The following TMEM79 variants were observed in gnomAD, a reference collection of about 807,000 sequenced individuals.
The protein encoded by TMEM79 is mattrin.
A neutral mutation model predicts 31.2 loss-of-function variants in TMEM79; 30 were observed. That is an observed-to-expected ratio of 0.96 (90% CI 0.72 to 1.30). The LOEUF (loss-of-function observed/expected upper bound fraction) is 1.30, where lower values mean the gene tolerates loss of function less well. Ranked by LOEUF, TMEM79 falls within the 50% of genes most tolerant of loss-of-function variation. TMEM79 has a pLI of 0.00. For synonymous variants in TMEM79, 213 were observed against 229.5 expected, an observed-to-expected ratio of 0.93 and a Z score of 0.65; for missense variants, 509 against 528.2, an observed-to-expected ratio of 0.96 and a Z score of 0.36.
rs1434941567 is a variant in TMEM79, at chr1:156,285,322, G to A, written c.96G>A (p.Gln32=). The A allele has an allele frequency of 1.3e-6, 2 of 1,573,380 alleles. No individual in the cohort carries two copies. The highest frequency in any genetic ancestry group is 1.9e-5 in the Admixed American group (1 of 52,674). The part of the protein sequence containing the change: ...SPQALVPNGR[Q]PEGEGGAESP... ...AGGCCTTGGTTCCCAATGGCCGGCAGCCAGAAGGGGAAGGTGGGGCCGAAT... is the reference window on the plus strand; with the variant it reads ...AGGCCTTGGTTCCCAATGGCCGGCAACCAGAAGGGGAAGGTGGGGCCGAAT... Residue 32 remains glutamine (Q), a synonymous_variant, in exon 2 of 4, where the codon CAG becomes CAA. Transcript: ENST00000405535.
chr1:156,288,087 C>T (rs930717515), intron 3 of TMEM79, among the ~76,000 whole-genome samples: 19 of 151,620 alleles, frequency 1.3e-4, no homozygotes, highest in Middle Eastern at 3.4e-3. Flanking sequence ...CGGTGGCGAG[C>T]GCCTACAGTC....
At position 156,285,809 on chromosome 1, in the gene TMEM79, C is replaced by G; in HGVS notation, c.583C>G (p.Arg195Gly). ...TGGGGGCTGCGGGAGCTGTGGAGAC[C>G]GTGAGTGGCTAAGGGCTGTGGCCTC... ...SCGGCGSCGD[R>G]EWLRAVASVG... Residue 195 changes from arginine to glycine, a missense_variant, in exon 2 of 4, where the codon CGT becomes GGT. By Grantham distance (125) the Arg-to-Gly change is moderately radical (BLOSUM62 -2). Coordinates refer to ENST00000405535, the MANE Select transcript of TMEM79 (RefSeq NM_032323.3). 1 of 1,613,670 alleles carries G rather than the reference C, an allele frequency of 6.2e-7. No individual in the cohort carries two copies. The highest frequency in any genetic ancestry group is 8.5e-7 in the Non-Finnish European group (1 of 1,180,004).
At chr1:156,286,128 C>A in intron 2 of TMEM79, 132 bp from the exon 3 acceptor site, 1 of 1,367,080 alleles carries the variant, frequency 7.3e-7, no homozygotes, top group South Asian at 1.3e-5. Flanking sequence ...ATGCCCATCT[C>A]CTCCCAGGAC....
Position 156,286,992 on chromosome 1 carries a change from G to A in TMEM79, c.971+519G>A, listed in dbSNP as rs796277299. ...ACAAAAATTAGCTGGGCATGGTGGT[G>A]CACACCTGTAGTCCCAGCTACTGAG... On this transcript the variant is annotated intron_variant, in intron 3 of 3. Transcript: ENST00000405535. Among the ~76,000 whole-genome samples the A allele has an allele frequency of 2.6e-5, 4 of 152,178 alleles. 1 individual carries two copies. Among genetic ancestry groups the A allele is most frequent in the African/African-American group, 9.6e-5 (4 of 41,524 alleles).
rs556623849 is a variant in TMEM79 at position 156,289,331 on chromosome 1, G to A, written c.972-2054G>A. On this transcript the variant is annotated intron_variant, in intron 3 of 3. Transcript: ENST00000405535. ...CTAATAAAAATACAAAAAATTAGCC[G>A]GGTGTGGTGATGGGCGCCTGTAATC... Among the ~76,000 whole-genome samples, 19 of 149,548 alleles carry A rather than the reference G, an allele frequency of 1.3e-4. No homozygotes were observed. The South Asian group carries it at 3.4e-3, about 27-fold the overall frequency.
At chr1:156,286,112 G>A in intron 2 of TMEM79, 129 bp downstream of exon 2, 2 of 1,415,630 alleles carry the variant, frequency 1.4e-6, no homozygotes, top group South Asian at 1.3e-5. Flanking sequence ...CCCCCTGCCA[G>A]TCTGCATGCC....
chr1:156,286,481 G>A lies in TMEM79; in HGVS notation c.971+8G>A. ...TCTCTTTGCCGTCTCCCGGTAAGTT[G>A]GGGCAGAGGGTGGGGCATGGGAGAG... On this transcript the variant is annotated splice_region_variant and intron_variant, in intron 3 of 3. Coordinates refer to ENST00000405535, the MANE Select transcript of TMEM79 (RefSeq NM_032323.3). The A allele has an allele frequency of 1.2e-6, 2 of 1,613,860 alleles. No individual in the cohort carries two copies. The highest frequency in any genetic ancestry group is 1.7e-6 in the Non-Finnish European group (2 of 1,179,810).
chr1:156,289,351 G>T (rs924305235), intron 3 of TMEM79, among the ~76,000 whole-genome samples: 6 of 152,196 alleles, frequency 3.9e-5, no homozygotes, highest in African/African-American at 1.4e-4. Context: ...ATGGGCGCCT[G>T]TAATCCCAGC....
chr1:156,288,340 C>CT lies in TMEM79; in HGVS notation c.971+1880dup, dbSNP rs964633218. ...CATATGCTCTTGTTACTTTTTTTTT[C>CT]TTTTTTTTTTTTTGAGATGGTGTCT... is the stretch of plus-strand genomic sequence containing the variant. On this transcript the variant is annotated intron_variant, in intron 3 of 3. Coordinates refer to ENST00000405535, the MANE Select transcript of TMEM79 (RefSeq NM_032323.3). 7.0e-3 allele frequency among the ~76,000 whole-genome samples: 929 copies of CT among 133,074 alleles called. 1 individual carries two copies. The highest frequency in any genetic ancestry group is 0.011 in the Non-Finnish European group (649 of 61,148). 87.3% of individuals were successfully genotyped at this position (133,074 alleles called of 152,430 possible). A position where few individuals can be genotyped will look rare whatever the true frequency, so the allele number is the denominator to read the frequency against.
chr1:156,284,571 T>A (rs1288741109), intron 1 of TMEM79, among the ~76,000 whole-genome samples, 165 bp downstream of exon 1: 1 of 152,038 alleles, frequency 6.6e-6, no homozygotes, highest in Admixed American at 6.6e-5. Context: ...AATATCAGAA[T>A]AGCAGACCCA....
In TMEM79 at chr1:156,285,442, G is replaced by A; in HGVS notation, c.216G>A (p.Glu72=). ...AEDGLDSTVS[E]AATLPWGTGP... Reference sequence around the variant, plus strand: ...ATGGTCTAGACAGCACAGTAAGTGAGGCTGCCACCTTGCCCTGGGGGACTG... The same window carrying A: ...ATGGTCTAGACAGCACAGTAAGTGAAGCTGCCACCTTGCCCTGGGGGACTG... The change falls in exon 2 of 4, where the codon GAG becomes GAA. Residue 72 remains glutamate (E), a synonymous_variant. Transcript: ENST00000405535. 1 of 1,613,768 alleles carries A rather than the reference G, an allele frequency of 6.2e-7. No homozygotes were observed. The highest frequency in any genetic ancestry group is 8.5e-7 in the Non-Finnish European group (1 of 1,179,858).
At chr1:156,287,719 C>A (rs1245905846) in intron 3 of TMEM79, among the ~76,000 whole-genome samples, 1 of 150,204 alleles carries the variant, frequency 6.7e-6, no homozygotes, top group Admixed American at 6.7e-5. Context: ...TGGGTTCAAG[C>A]GATTCTCCTG....
chr1:156,287,827 A>G (rs1159922064), intron 3 of TMEM79, among the ~76,000 whole-genome samples: 2 of 151,906 alleles, frequency 1.3e-5, no homozygotes, highest in African/African-American at 4.8e-5. Flanking sequence ...CATGTTGGCC[A>G]GGCAGTTCTT....
chr1:156,287,744 G>A (rs1040633390), intron 3 of TMEM79, among the ~76,000 whole-genome samples: 3 of 150,994 alleles, frequency 2.0e-5, no homozygotes, highest in Admixed American at 6.6e-5. Context: ...AGCCTCCCGC[G>A]TAGCTGGGAT....
Position 156,286,441 on chromosome 1 carries a change from C to T in TMEM79, c.939C>T (p.Leu313=). 6.2e-7 allele frequency: 1 copy of T among 1,614,194 alleles called. No homozygotes were observed. Among genetic ancestry groups the T allele is most frequent in the Admixed American group, 1.7e-5 (1 of 60,020 alleles). Reference sequence around the variant, plus strand: ...TGCCCCAGGATACCCTCAAACTGCTCCCTCTGCTCACTGGTCTCTTTGCCG... The same window carrying T: ...TGCCCCAGGATACCCTCAAACTGCTTCCTCTGCTCACTGGTCTCTTTGCCG... ...TYLPQDTLKL[L]PLLTGLFAVS... Residue 313 remains leucine, a synonymous_variant, in exon 3 of 4, where the codon CTC becomes CTT. Coordinates refer to ENST00000405535, the MANE Select transcript of TMEM79 (RefSeq NM_032323.3).
chr1:156,286,657 C>T (rs142049047), intron 3 of TMEM79, among the ~76,000 whole-genome samples, 184 bp downstream of exon 3: 16 of 152,188 alleles, frequency 1.1e-4, no homozygotes, highest in African/African-American at 2.9e-4. Flanking sequence ...AGATGGAAGC[C>T]GATTTCAGAG....
rs778074000 is a variant in TMEM79 at position 156,291,497 on chromosome 1, G to T, written c.1084G>T (p.Val362Leu). The T allele has an allele frequency of 3.1e-6, 5 of 1,612,804 alleles. No individual in the cohort carries two copies. In the Admixed American group the frequency reaches 6.7e-5, roughly 21 times the overall value. The change falls in exon 4 of 4, where the codon GTG becomes TTG. Residue 362 changes from valine (V) to leucine (L), a missense_variant. Coordinates refer to ENST00000405535, the MANE Select transcript of TMEM79 (RefSeq NM_032323.3). ...GATGTGGAACCTCTACTACATGTTC[G>T]TGGTGGAGCCGGAGCGCATGCTCAC... ...MLMWNLYYMF[V>L]VEPERMLTAT...
upstream of TMEM79, among the ~76,000 whole-genome samples, chr1:156,283,258 G>A (rs2101583524): frequency 6.6e-6 from 1 of 152,294 alleles, no homozygotes; most frequent in East Asian, 1.9e-4. Context: ...GGAAAGGGCC[G>A]AGCATCACAT....
intron 3 of TMEM79, among the ~76,000 whole-genome samples, chr1:156,288,838 T>C (rs1363635312): frequency 1.3e-5 from 2 of 152,224 alleles, no homozygotes; most frequent in African/African-American, 2.4e-5. Context: ...CTCATGTAAC[T>C]TAGCCTGCCA....
Sources: allele counts gnomAD v4.1 joint callset (sites outside exome capture counted in the v4.1 genomes callset), GRCh38; gene constraint gnomAD v4.1.1; transcripts MANE v1.5; gene names NCBI Gene and HGNC (gene_info 2026-07-23, HGNC 2026-07-21).